Variants in RLIM observed in about 807,000 individuals in gnomAD.
The protein encoded by RLIM is E3 ubiquitin-protein ligase RLIM.
Under a neutral mutation model 34.0 loss-of-function variants are expected in RLIM, and 2 were observed. The ratio of observed to expected loss-of-function variants is 0.06; its 90% confidence interval spans 0.02 to 0.19. The LOEUF (loss-of-function observed/expected upper bound fraction) is 0.19, where lower values mean the gene tolerates loss of function less well. RLIM is among the 10% of genes least tolerant of loss of function. The probability of loss-of-function intolerance (pLI) is 1.00; values close to 1 mark genes in which losing one functional copy is unlikely to be tolerated. For synonymous variants in RLIM, 169 were observed against 164.0 expected (o/e 1.03, Z -0.23); for missense variants, 286 against 479.7 (o/e 0.60, Z 3.77).
rs752008137 is a variant in RLIM, at chrX:74,609,487, C to CAAAA, written c.-24+4931_-24+4934dup. Among the ~76,000 whole-genome samples, 181 of 32,744 alleles carry CAAAA rather than the reference C, an allele frequency of 5.5e-3. 9 individuals are homozygous for CAAAA. Among genetic ancestry groups the CAAAA allele is most frequent in the African/African-American group, 0.015 (158 of 10,757 alleles). The allele number at this position is 32,744 out of a possible 115,157, so 28.4% of individuals were successfully genotyped here. A position where few individuals can be genotyped will look rare whatever the true frequency, so the allele number is the denominator to read the frequency against. ...TGGGCGACAGAGCGAGACTCCGTTTCAAAAAAAAAAAAAAAAAAAAAAAAA... is the reference window on the plus strand; with the variant it reads ...TGGGCGACAGAGCGAGACTCCGTTTCAAAAAAAAAAAAAAAAAAAAAAAAAAAAA... On this transcript the variant is annotated intron_variant, in intron 1 of 3. Transcript: ENST00000332687.
chrX:74,597,477 G>A (rs935759346), intron 1 of RLIM, among the ~76,000 whole-genome samples: 1 of 111,718 alleles, frequency 9.0e-6, no homozygotes, highest in Non-Finnish European at 1.9e-5. Flanking sequence ...TAGCCCCTAT[G>A]TGTAGTCTAC....
intron 1 of RLIM, among the ~76,000 whole-genome samples, chrX:74,604,540 A>G (rs2079675059): frequency 9.0e-6 from 1 of 111,676 alleles, no homozygotes; most frequent in African/African-American, 3.3e-5. Context: ...ATGTTTTCCA[A>G]AAATAAAACA....
intron 1 of RLIM, among the ~76,000 whole-genome samples, chrX:74,602,014 C>G (rs2079663620): frequency 8.9e-6 from 1 of 111,822 alleles, no homozygotes; most frequent in Non-Finnish European, 1.9e-5. Context: ...AACTTGCAAA[C>G]AGCCCTGTAA....
At position 74,584,080 on chromosome X, in the gene RLIM, C is replaced by T. The variant is rs1343050993; in HGVS notation, c.*7360G>A. On this transcript the variant is annotated 3_prime_UTR_variant, in exon 4 of 4. Coordinates refer to ENST00000332687, the MANE Select transcript of RLIM (RefSeq NM_016120.4). ...AAAAATAAACAAAAACCAATTTGGC[C>T]TTTTTTTTTCTTGGCAAACCAGCCA... 9.1e-6 allele frequency among the ~76,000 whole-genome samples: 1 copy of T among 109,918 alleles called. No homozygotes were observed. The highest frequency in any genetic ancestry group is 1.9e-5 in the Non-Finnish European group (1 of 52,493).
chrX:74,609,937 G>C lies in RLIM; in HGVS notation c.-24+4485C>G, dbSNP rs920402459. ...AAACACAAATACTTCCTTTCTCCCA[G>C]GAAGTAACATGTTCATCATCATGGA... is the stretch of plus-strand genomic sequence containing the variant. On this transcript the variant is annotated intron_variant, in intron 1 of 3. Transcript: ENST00000332687. Among the ~76,000 whole-genome samples, 3 of 112,132 alleles carry C rather than the reference G, an allele frequency of 2.7e-5. No individual in the cohort carries two copies. In the Admixed American group the frequency reaches 2.8e-4, roughly 11 times the overall value.
At position 74,591,074 on chromosome X, in the gene RLIM, C is replaced by T. The variant is rs954125247; in HGVS notation, c.*366G>A. The T allele has an allele frequency of 6.0e-6, 1 of 166,209 alleles. No individual in the cohort carries two copies. Among genetic ancestry groups the T allele is most frequent in the African/African-American group, 3.0e-5 (1 of 33,008 alleles). The allele number at this position is 166,209 out of a possible 1,213,427, so 13.7% of individuals were successfully genotyped here. A position where few individuals can be genotyped will look rare whatever the true frequency, so the allele number is the denominator to read the frequency against. On this transcript the variant is annotated 3_prime_UTR_variant, in exon 4 of 4. Transcript: ENST00000332687. Reference sequence around the variant, plus strand: ...TAGTCTAAACTGGTAATTTCCTTTGCTCCTCTCTTATGGTGTGGGAAAATT... The same window carrying T: ...TAGTCTAAACTGGTAATTTCCTTTGTTCCTCTCTTATGGTGTGGGAAAATT...
In RLIM at chrX:74,610,750, C is replaced by T. The variant is rs376299009; in HGVS notation, c.-24+3672G>A. On this transcript the variant is annotated intron_variant, in intron 1 of 3. Coordinates refer to ENST00000332687, the MANE Select transcript of RLIM (RefSeq NM_016120.4). ...ACTAAAAATACAAAAATTAGCCAGG[C>T]GTGGTGGAGAGCGCCTGTACTCCCA... Among the ~76,000 whole-genome samples, 46 of 109,313 alleles carry T rather than the reference C, an allele frequency of 4.2e-4. 1 individual carries two copies. In the South Asian group the frequency reaches 0.016, roughly 39 times the overall value. 94.9% of individuals were successfully genotyped at this position (109,313 alleles called of 115,157 possible). A position where few individuals can be genotyped will look rare whatever the true frequency, so the allele number is the denominator to read the frequency against.
Position 74,585,293 on chromosome X carries a change from G to A in RLIM, c.*6147C>T, listed in dbSNP as rs1362189879. The A allele has an allele frequency of 3.6e-5, 4 of 112,034 alleles. No individual in the cohort carries two copies. Among genetic ancestry groups the A allele is most frequent in the Non-Finnish European group, 7.5e-5 (4 of 53,257 alleles). The allele number at this position is 112,034 out of a possible 1,213,427, so 9.2% of individuals were successfully genotyped here. ...TTAAGCCATTCAACTACACAACACA[G>A]ATAAAACGGAAGTTATAACATATAA... On this transcript the variant is annotated 3_prime_UTR_variant, in exon 4 of 4. Coordinates refer to ENST00000332687, the MANE Select transcript of RLIM (RefSeq NM_016120.4).
In RLIM at chrX:74,592,209, C is replaced by T; in HGVS notation, c.1106G>A (p.Arg369His). The change falls in exon 4 of 4, where the codon CGT becomes CAT. Residue 369 changes from arginine to histidine, a missense_variant. Arg to His is a conservative substitution (Grantham distance 29, BLOSUM62 0). This residue lies in a region of RLIM where 121 missense variants were observed against 182.4 expected (regional missense o/e 0.66). Coordinates refer to ENST00000332687, the MANE Select transcript of RLIM (RefSeq NM_016120.4). ...ERGGFRRTFS[R>H]SERAGVRTYV... ...GGTTCTCACACCTGCCCGCTCAGAA[C>T]GTGAAAATGTACGCCTAAAACCTCC... The T allele has an allele frequency of 1.7e-6, 2 of 1,211,857 alleles. No homozygotes were observed. Among genetic ancestry groups the T allele is most frequent in the Non-Finnish European group, 2.2e-6 (2 of 895,523 alleles).
At chrX:74,593,901 G>A (rs1176598003) in intron 3 of RLIM, among the ~76,000 whole-genome samples, 1 of 112,460 alleles carries the variant, frequency 8.9e-6, no homozygotes, top group Non-Finnish European at 1.9e-5. Flanking sequence ...CTACACAAAT[G>A]TCTCCAGACG....
At chrX:74,612,290 GACA>G (rs1312474363) in intron 1 of RLIM, among the ~76,000 whole-genome samples, 2 of 111,886 alleles carry the variant, frequency 1.8e-5, no homozygotes, top group South Asian at 7.4e-4. Context: ...AATGATATAA[GACA>G]ACAAATTTTT....
chrX:74,584,052 CA>C lies in RLIM; in HGVS notation c.*7387del, dbSNP rs951112265. ...AGGGCGAGAATCCATCTCAAACAAA[CA>C]AAAAAATAAACAAAAACCAATTTGG... On this transcript the variant is annotated 3_prime_UTR_variant, in exon 4 of 4. Transcript: ENST00000332687. Among the ~76,000 whole-genome samples, 9 of 111,268 alleles carry C rather than the reference CA, an allele frequency of 8.1e-5. No individual in the cohort carries two copies. The highest frequency in any genetic ancestry group is 2.9e-4 in the Admixed American group (3 of 10,455).
chrX:74,586,389 A>T lies in RLIM; in HGVS notation c.*5051T>A, dbSNP rs2079587189. ...ATATGACAGGGTTCACTTTCACTGCATGTCTTTAAGATATCTACTACTCAG... is the reference window on the plus strand; with the variant it reads ...ATATGACAGGGTTCACTTTCACTGCTTGTCTTTAAGATATCTACTACTCAG... On this transcript the variant is annotated 3_prime_UTR_variant, in exon 4 of 4. Coordinates refer to ENST00000332687, the MANE Select transcript of RLIM (RefSeq NM_016120.4). 1 of 112,295 alleles carries T rather than the reference A, an allele frequency of 8.9e-6. No homozygotes were observed. The highest frequency in any genetic ancestry group is 1.9e-5 in the Non-Finnish European group (1 of 53,332). The allele number at this position is 112,295 out of a possible 1,213,427, so 9.3% of individuals were successfully genotyped here.
rs754037785 is a variant in RLIM at position 74,591,769 on chromosome X, C to A, written c.1546G>T (p.Ala516Ser). ...CCACTTTCATCAAATGTGACTGGGGCCCTATGTCGACCCTCTCGCCTGGCA... is the reference window on the plus strand; with the variant it reads ...CCACTTTCATCAAATGTGACTGGGGACCTATGTCGACCCTCTCGCCTGGCA... ...SGARREGRHR[A>S]PVTFDESGSL... Residue 516 changes from alanine to serine, a missense_variant, in exon 4 of 4, where the codon GCC (alanine) becomes TCC (serine). By Grantham distance (99) the Ala-to-Ser change is moderately conservative. Coordinates refer to ENST00000332687, the MANE Select transcript of RLIM (RefSeq NM_016120.4). 5 of 1,209,665 alleles carry A rather than the reference C, an allele frequency of 4.1e-6. No homozygotes were observed. In the African/African-American group the frequency reaches 8.8e-5, roughly 21 times the overall value.
chrX:74,604,328 A>G (rs1247942420), intron 1 of RLIM, among the ~76,000 whole-genome samples: 1 of 111,051 alleles, frequency 9.0e-6, no homozygotes, highest in African/African-American at 3.3e-5. Flanking sequence ...TTAAGCTTAA[A>G]ATAAAAAAAA....
At chrX:74,597,436 T>C (rs939796035) in intron 1 of RLIM, among the ~76,000 whole-genome samples, 6 of 112,093 alleles carry the variant, frequency 5.4e-5, no homozygotes, top group African/African-American at 1.6e-4. Flanking sequence ...GAGCCAAGTG[T>C]TGATTATTCA....
At position 74,594,316 on chromosome X, in the gene RLIM, A is replaced by G; in HGVS notation, c.243T>C (p.Asp81=). ...IKEGPPPQNS[D]ENRGGDSSDD... is the part of the protein sequence containing the mutation. ...AAAACCAAAACATACCTCTATTTTC[A>G]TCTGAGTTTTGCGGTGGTGGGCCTT... The change falls in exon 3 of 4, where the codon GAT becomes GAC. Residue 81 remains aspartate, a synonymous_variant. Transcript: ENST00000332687. The G allele has an allele frequency of 8.3e-7, 1 of 1,205,546 alleles. No homozygotes were observed. Among genetic ancestry groups the G allele is most frequent in the Non-Finnish European group, 1.1e-6 (1 of 892,885 alleles).
At position 74,585,941 on chromosome X, in the gene RLIM, G is replaced by C. The variant is rs1165334585; in HGVS notation, c.*5499C>G. On this transcript the variant is annotated 3_prime_UTR_variant, in exon 4 of 4. Transcript: ENST00000332687. The stretch of plus-strand genomic sequence containing the variant: ...TGTGCTTTGTGACCAAAGACATAAA[G>C]GCAGCCTTTGTTACTGTTCCCCCTC... 8.9e-6 allele frequency: 1 copy of C among 111,897 alleles called. No individual in the cohort carries two copies. The highest frequency in any genetic ancestry group is 1.9e-5 in the Non-Finnish European group (1 of 53,259). The allele number at this position is 111,897 out of a possible 1,213,427, so 9.2% of individuals were successfully genotyped here.
At chrX:74,600,874 G>C (rs2079658509) in intron 1 of RLIM, among the ~76,000 whole-genome samples, 1 of 102,466 alleles carries the variant, frequency 9.8e-6, no homozygotes, top group African/African-American at 3.8e-5. Context: ...AAAAAAAAGA[G>C]CTTGGCGTGG....
Sources: allele counts gnomAD v4.1 joint callset (sites outside exome capture counted in the v4.1 genomes callset), GRCh38; gene constraint gnomAD v4.1.1; regional missense constraint gnomAD v4.1.1; transcripts MANE v1.5; gene names NCBI Gene and HGNC (gene_info 2026-07-23, HGNC 2026-07-21).